FAM53B: variants seen among roughly 807,000 people sequenced by gnomAD.
The protein encoded by FAM53B is family with sequence similarity 53 member B, also known as protein FAM53B.
In FAM53B, 12 loss-of-function variants were observed where a neutral mutation model predicts 32.7. That is an observed-to-expected ratio of 0.37 (90% CI 0.24 to 0.59). FAM53B has a LOEUF of 0.59. Ranked by LOEUF, FAM53B falls within the 20% of genes least tolerant of loss-of-function variation. The pLI is 0.72. For missense variants in FAM53B, 477 were observed against 577.7 expected (o/e 0.83, Z 1.79); for synonymous variants, 234 against 228.7 (o/e 1.02, Z -0.21).
intron 4 of FAM53B, among the ~76,000 whole-genome samples, chr10:124,631,247 G>C (rs536085805): frequency 6.6e-6 from 1 of 152,188 alleles, no homozygotes; most frequent in African/African-American, 2.4e-5. Flanking sequence ...GGTAACTCGA[G>C]GCCTAGGACC....
chr10:124,642,635 AG>A (rs1332751820), intron 4 of FAM53B, among the ~76,000 whole-genome samples: 3 of 152,254 alleles, frequency 2.0e-5, no homozygotes, highest in Non-Finnish European at 4.4e-5. Flanking sequence ...CCCGTGAGTC[AG>A]GATCCCCGAG....
At chr10:124,715,305 C>T (rs769193318) in intron 1 of FAM53B, among the ~76,000 whole-genome samples, 4 of 152,272 alleles carry the variant, frequency 2.6e-5, no homozygotes, top group East Asian at 1.9e-4. Flanking sequence ...AGAAGCGGGA[C>T]AGGAAGCCAT....
intron 1 of FAM53B, among the ~76,000 whole-genome samples, chr10:124,726,950 T>A (rs1950107796): frequency 6.6e-6 from 1 of 152,212 alleles, no homozygotes; most frequent in South Asian, 2.1e-4. Flanking sequence ...ATTTAAAAAT[T>A]ACATCTTTAT....
At chr10:124,698,494 C>A (rs563160155) in intron 2 of FAM53B, among the ~76,000 whole-genome samples, 36 of 152,268 alleles carry the variant, frequency 2.4e-4, no homozygotes, top group African/African-American at 8.4e-4. Context: ...AGGAACACTG[C>A]CAGAGATGCT....
At chr10:124,724,705 C>A (rs757519029) in intron 1 of FAM53B, among the ~76,000 whole-genome samples, 1 of 152,180 alleles carries the variant, frequency 6.6e-6, no homozygotes, top group African/African-American at 2.4e-5. Context: ...CCCCAATATA[C>A]CAACAGCCCC....
intron 4 of FAM53B, chr10:124,667,103 T>C (rs1249285291): frequency 2.4e-6 from 1 of 422,600 alleles, no homozygotes; most frequent in African/African-American, 2.1e-5. Context: ...CACTGAATGA[T>C]GGAGCAGTGG....
chr10:124,703,450 A>AC, intron 2 of FAM53B, among the ~76,000 whole-genome samples: 1 of 152,236 alleles, frequency 6.6e-6, no homozygotes, highest in African/African-American at 2.4e-5. Context: ...ACATGATATG[A>AC]ACTAACACAC....
Position 124,682,278 on chromosome 10 carries a change from A to AAT in FAM53B, c.234_235insAT (p.Trp79IlefsTer7), listed in dbSNP as rs777236929. ...CAGGCGGTCACTGCCTCCCGGTGCC[A>AAT]TAGTGAGCTGTCCTTTTCAGGCAGG... is the stretch of plus-strand genomic sequence containing the variant. On this transcript the variant is annotated frameshift_variant, in exon 4 of 5. Coordinates refer to ENST00000337318, the MANE Select transcript of FAM53B (RefSeq NM_014661.4). LOFTEE classifies it high-confidence loss of function. This position sits in a 1 kb window ranked among gnomAD's most constrained non-coding sequence, Gnocchi z 5.2. 2.5e-5 allele frequency: 41 copies of AAT among 1,613,964 alleles called. No homozygotes were observed. The highest frequency in any genetic ancestry group is 3.5e-5 in the Non-Finnish European group (41 of 1,180,016).
At chr10:124,664,013 C>T (rs1314679966) in intron 4 of FAM53B, among the ~76,000 whole-genome samples, 2 of 152,012 alleles carry the variant, frequency 1.3e-5, no homozygotes, top group Non-Finnish European at 2.9e-5. Flanking sequence ...CCAGGCCCTG[C>T]GGTCAGTGCT....
At chr10:124,711,069 T>C (rs942048278) in intron 1 of FAM53B, among the ~76,000 whole-genome samples, 1 of 152,140 alleles carries the variant, frequency 6.6e-6, no homozygotes, top group Non-Finnish European at 1.5e-5. Flanking sequence ...CACAGACGCT[T>C]TGCTGGGTGA....
intron 3 of FAM53B, among the ~76,000 whole-genome samples, chr10:124,690,939 GAA>G (rs767935289): frequency 6.6e-6 from 1 of 152,126 alleles, no homozygotes; most frequent in Non-Finnish European, 1.5e-5. Flanking sequence ...CTGCAAAAGA[GAA>G]AAAGTGGCAG....
At chr10:124,637,734 G>C (rs554490451) in intron 4 of FAM53B, among the ~76,000 whole-genome samples, 1 of 152,252 alleles carries the variant, frequency 6.6e-6, no homozygotes, top group African/African-American at 2.4e-5. Context: ...TGCCTACTCA[G>C]GCTCCCCTGG....
intron 1 of FAM53B, among the ~76,000 whole-genome samples, chr10:124,725,068 G>C (rs760370688): frequency 1.3e-5 from 2 of 152,196 alleles, no homozygotes; most frequent in Non-Finnish European, 2.9e-5. Flanking sequence ...AACACTCCTT[G>C]ACAAAACAAA....
At position 124,681,044 on chromosome 10, in the gene FAM53B, T is replaced by C. The variant is rs932457367; in HGVS notation, c.906+563A>G. On this transcript the variant is annotated intron_variant, in intron 4 of 4. Coordinates refer to ENST00000337318, the MANE Select transcript of FAM53B (RefSeq NM_014661.4). ...ACAGGGGCGTGTGGCCAGATACTTCTTCTACAGTGAAGGGCAAGGATGATT... is the reference window on the plus strand; with the variant it reads ...ACAGGGGCGTGTGGCCAGATACTTCCTCTACAGTGAAGGGCAAGGATGATT... Among the ~76,000 whole-genome samples the C allele has an allele frequency of 3.3e-5, 5 of 152,228 alleles. No homozygotes were observed. The East Asian group carries it at 9.6e-4, about 29-fold the overall frequency.
At chr10:124,699,710 G>A (rs1256932990) in intron 2 of FAM53B, among the ~76,000 whole-genome samples, 1 of 152,180 alleles carries the variant, frequency 6.6e-6, no homozygotes, top group East Asian at 1.9e-4. Context: ...GTCAACCAAG[G>A]TGCCTCCACC....
intron 4 of FAM53B, among the ~76,000 whole-genome samples, chr10:124,632,312 GCACA>G (rs1346183905): frequency 6.6e-6 from 1 of 152,264 alleles, no homozygotes; most frequent in East Asian, 1.9e-4. Context: ...ATTCCAGCCA[GCACA>G]CACTCAGGAC....
At position 124,678,146 on chromosome 10, in the gene FAM53B, C is replaced by T. The variant is rs934096788; in HGVS notation, c.906+3461G>A. Reference sequence around the variant, plus strand: ...AGGCATTCTTACAGCAGACTGAGGGCACCTCCCAGGAATGTCCACCCTCTG... The same window carrying T: ...AGGCATTCTTACAGCAGACTGAGGGTACCTCCCAGGAATGTCCACCCTCTG... On this transcript the variant is annotated intron_variant, in intron 4 of 4. Coordinates refer to ENST00000337318, the MANE Select transcript of FAM53B (RefSeq NM_014661.4). Among the ~76,000 whole-genome samples, 3 of 152,228 alleles carry T rather than the reference C, an allele frequency of 2.0e-5. No homozygotes were observed. In the East Asian group the frequency reaches 5.8e-4, roughly 29 times the overall value.
Position 124,620,355 on chromosome 10 carries a change from G to GCCCCCCCCCCC in FAM53B, c.*2886_*2887insGGGGGGGGGGG, listed in dbSNP as rs57254391. The GCCCCCCCCCCC allele has an allele frequency of 2.5e-4, 33 of 130,762 alleles. No homozygotes were observed. The highest frequency in any genetic ancestry group is 5.9e-4 in the African/African-American group (20 of 34,014). The allele number at this position is 130,762 out of a possible 1,614,324, so 8.1% of individuals were successfully genotyped here. A position where few individuals can be genotyped will look rare whatever the true frequency, so the allele number is the denominator to read the frequency against. ...ATGAGTGGGGTGCATGTGGCACTAA[G>GCCCCCCCCCCC]CCCCCCCCACCGCCCCGGCTTTCCT... On this transcript the variant is annotated 3_prime_UTR_variant, in exon 5 of 5. Transcript: ENST00000337318.
intron 4 of FAM53B, among the ~76,000 whole-genome samples, chr10:124,631,316 G>A (rs1003297911): frequency 6.6e-6 from 1 of 152,202 alleles, no homozygotes; most frequent in African/African-American, 2.4e-5. Context: ...CTGAAGGAGT[G>A]GGGGAAGGAG....
Sources: allele counts gnomAD v4.1 joint callset (sites outside exome capture counted in the v4.1 genomes callset), GRCh38; gene constraint gnomAD v4.1.1; non-coding constraint Gnocchi (gnomAD v3.1); transcripts MANE v1.5; gene names NCBI Gene and HGNC (gene_info 2026-07-23, HGNC 2026-07-21).